The following CYP4B1 variants were observed in gnomAD, a reference collection of about 807,000 sequenced individuals.
CYP4B1 encodes the protein cytochrome P450 family 4 subfamily B member 1.
CYP4B1 carries 45 observed loss-of-function variants against 54.0 expected under a neutral mutation model. The observed-to-expected ratio is 0.83, with a 90% CI of 0.66 to 1.07. CYP4B1 has a LOEUF of 1.07. CYP4B1 is among the 50% of genes least tolerant of loss of function. CYP4B1 has a pLI of 0.00. For missense variants in CYP4B1, 656 were observed against 655.4 expected (o/e 1.00, Z -0.01); for synonymous variants, 248 against 247.5 (o/e 1.00, Z -0.02).
In CYP4B1 at chr1:46,813,963, G is replaced by T; in HGVS notation, c.675G>T (p.Gln225His). ...AVSDLTLLMQ[Q>H]RLVSFQYHND... is the part of the protein sequence containing the mutation. ...GCGATCTCACTCTGTTGATGCAGCA[G>T]CGCCTTGTGTCCTTCCAGTACCATA... is the stretch of plus-strand genomic sequence containing the variant. The change falls in exon 6 of 12, where the codon CAG (glutamine) becomes CAT (histidine). Residue 225 changes from glutamine to histidine, a missense_variant. Transcript: ENST00000371923. 1.2e-6 allele frequency: 2 copies of T among 1,614,184 alleles called. No homozygotes were observed. Among genetic ancestry groups the T allele is most frequent in the Non-Finnish European group, 1.7e-6 (2 of 1,180,024 alleles).
chr1:46,817,900 C>T (rs1161126390), intron 9 of CYP4B1, 65 bp from the exon 10 acceptor site: 1 of 1,453,532 alleles, frequency 6.9e-7, no homozygotes, highest in East Asian at 2.3e-5. Context: ...GGGACTCTGA[C>T]CTTATGTGGA....
chr1:46,814,967 C>A, intron 7 of CYP4B1, 107 bp from the exon 8 acceptor site: 1 of 969,954 alleles, frequency 1.0e-6, no homozygotes, highest in South Asian at 1.5e-5. Context: ...TGAAAAGGAG[C>A]TTTCACTCCC....
At position 46,817,979 on chromosome 1, in the gene CYP4B1, A is replaced by G. The variant is rs1193852319; in HGVS notation, c.1222A>G (p.Met408Val). Residue 408 changes from methionine (M) to valine (V), a missense_variant, in exon 10 of 12, where the codon ATG becomes GTG. Physicochemically the swap from Met to Val is conservative, Grantham distance 21. Transcript: ENST00000371923. The stretch of plus-strand genomic sequence containing the variant: ...TCTGCCCACAGGAAGCCTGATCTCT[A>G]TGCATATCTATGCCCTCCATAGGAA... The part of the protein sequence containing the change: ...RSLPAGSLIS[M>V]HIYALHRNSA... The G allele has an allele frequency of 1.9e-6, 3 of 1,614,104 alleles. No homozygotes were observed. The highest frequency in any genetic ancestry group is 2.5e-6 in the Non-Finnish European group (3 of 1,180,000).
In CYP4B1 at chr1:46,816,929, T is replaced by C. The variant is rs56294368; in HGVS notation, c.1074-119T>C. ...CTGGCCAGGGGCACTTGGAACTCTGTGCCTCTGACTCTTGAGTGTGTGGTG... is the reference window on the plus strand; with the variant it reads ...CTGGCCAGGGGCACTTGGAACTCTGCGCCTCTGACTCTTGAGTGTGTGGTG... On this transcript the variant is annotated intron_variant, in intron 8 of 11. Coordinates refer to ENST00000371923, the MANE Select transcript of CYP4B1 (RefSeq NM_001099772.2). The C allele has an allele frequency of 2.3e-5, 28 of 1,198,200 alleles. No homozygotes were observed. The East Asian group carries it at 6.6e-4, about 28-fold the overall frequency. The allele number at this position is 1,198,200 out of a possible 1,614,324, so 74.2% of individuals were successfully genotyped here. A position where few individuals can be genotyped will look rare whatever the true frequency, so the allele number is the denominator to read the frequency against.
chr1:46,812,612 C>T lies in CYP4B1; in HGVS notation c.484C>T (p.Arg162Cys), dbSNP rs765862813. The T allele has an allele frequency of 1.9e-5, 30 of 1,613,764 alleles. No individual in the cohort carries two copies. The highest frequency in any genetic ancestry group is 6.7e-5 in the African/African-American group (5 of 74,944). ...PYVAVFTEST[R>C]IMLDKWEEKA... is the part of the protein sequence containing the mutation. ...TGTGGCCGTGTTCACTGAGTCTACACGTATCATGCTGGTGAGCTCCCTGTG... is the reference window on the plus strand; with the variant it reads ...TGTGGCCGTGTTCACTGAGTCTACATGTATCATGCTGGTGAGCTCCCTGTG... Residue 162 changes from arginine (R) to cysteine (C), a missense_variant, in exon 4 of 12, where the codon CGT becomes TGT. Transcript: ENST00000371923.
At chr1:46,807,417 T>C (rs1326856226) in intron 1 of CYP4B1, among the ~76,000 whole-genome samples, 1 of 152,126 alleles carries the variant, frequency 6.6e-6, no homozygotes, top group East Asian at 1.9e-4. Context: ...ACCCATCCAA[T>C]TGGGCTTTCT....
In CYP4B1 at chr1:46,812,585, T is replaced by G. The variant is rs539678720; in HGVS notation, c.457T>G (p.Tyr153Asp). 3.7e-6 allele frequency: 6 copies of G among 1,613,962 alleles called. No individual in the cohort carries two copies. In the South Asian group the frequency reaches 6.6e-5, roughly 18 times the overall value. The change falls in exon 4 of 12, where the codon TAT becomes GAT. Residue 153 changes from tyrosine to aspartate, a missense_variant. Tyr to Asp is a radical substitution (Grantham distance 160, BLOSUM62 -3). Transcript: ENST00000371923. ...CTTTCATTATGATGTGCTGAAGCCC[T>G]ATGTGGCCGTGTTCACTGAGTCTAC... is the stretch of plus-strand genomic sequence containing the variant. ...PGFHYDVLKP[Y>D]VAVFTESTRI...
At chr1:46,812,809 A>G (rs1446060162) in intron 4 of CYP4B1, among the ~76,000 whole-genome samples, 186 bp downstream of exon 4, 1 of 152,146 alleles carries the variant, frequency 6.6e-6, no homozygotes, top group Non-Finnish European at 1.5e-5. Flanking sequence ...GCAGGCTGCC[A>G]CTGAGTCGGT....
chr1:46,814,041 C>T lies in CYP4B1; in HGVS notation c.753C>T (p.Cys251=). 6.2e-7 allele frequency: 1 copy of T among 1,614,080 alleles called. No individual in the cohort carries two copies. Among genetic ancestry groups the T allele is most frequent in the Non-Finnish European group, 8.5e-7 (1 of 1,179,986 alleles). ...TPHGRRFLRA[C]QVAHDHTDQV... Reference sequence around the variant, plus strand: ...ATGGCCGCCGCTTCCTGCGGGCCTGCCAGGTGGCCCATGACCATACAGGTG... The same window carrying T: ...ATGGCCGCCGCTTCCTGCGGGCCTGTCAGGTGGCCCATGACCATACAGGTG... Residue 251 remains cysteine, a synonymous_variant, in exon 6 of 12, where the codon TGC becomes TGT. Transcript: ENST00000371923.
rs1030907236 is a variant in CYP4B1 at position 46,818,818 on chromosome 1, T to C, written c.*4T>C. 6 of 1,613,848 alleles carry C rather than the reference T, an allele frequency of 3.7e-6. No individual in the cohort carries two copies. In the African/African-American group the frequency reaches 6.7e-5, roughly 18 times the overall value. On this transcript the variant is annotated 3_prime_UTR_variant, in exon 12 of 12. Coordinates refer to ENST00000371923, the MANE Select transcript of CYP4B1 (RefSeq NM_001099772.2). ...GGGCCCTGGGTCTGGGAAGTAGCTCTGATGAGAATGGGGTCCCAGATGGCT... is the reference window on the plus strand; with the variant it reads ...GGGCCCTGGGTCTGGGAAGTAGCTCCGATGAGAATGGGGTCCCAGATGGCT...
Position 46,810,946 on chromosome 1 carries a change from G to C in CYP4B1, c.319G>C (p.Gly107Arg), listed in dbSNP as rs780326518. 7.4e-6 allele frequency: 12 copies of C among 1,613,844 alleles called. No homozygotes were observed. The highest frequency in any genetic ancestry group is 1.7e-5 in the Admixed American group (1 of 59,990). Reference sequence around the variant, plus strand: ...CTATGCCAAAGCTGTGTACAGCCGTGGGGGTGAGGAGAGAGGATGGGGATC... The same window carrying C: ...CTATGCCAAAGCTGTGTACAGCCGTCGGGGTGAGGAGAGAGGATGGGGATC... The part of the protein sequence containing the change: ...PDYAKAVYSR[G>R]DPKAPDVYDF... Residue 107 changes from glycine (G) to arginine (R), a missense_variant, in exon 2 of 12, where the codon GGG becomes CGG. Physicochemically the swap from Gly to Arg is moderately radical, Grantham distance 125 (BLOSUM62 -2). Transcript: ENST00000371923.
chr1:46,800,195 T>TTCTTTCTCTTTC (rs1258570934), intron 1 of CYP4B1, among the ~76,000 whole-genome samples: 1 of 38,282 alleles, frequency 2.6e-5, no homozygotes, highest in African/African-American at 5.1e-5. Context: ...CTTTCTTTCT[T>TTCTTTCTCTTTC]TCTCTTTCTT....
rs572458012 is a variant in CYP4B1, at chr1:46,816,608, C to T, written c.1074-440C>T. On this transcript the variant is annotated intron_variant, in intron 8 of 11. Transcript: ENST00000371923. ...CACACACACACACACACACACACTTCACCTCATTAAATAATGCATCAACTT... is the reference window on the plus strand; with the variant it reads ...CACACACACACACACACACACACTTTACCTCATTAAATAATGCATCAACTT... 7.1e-5 allele frequency among the ~76,000 whole-genome samples: 8 copies of T among 112,850 alleles called. No individual in the cohort carries two copies. In the East Asian group the frequency reaches 2.3e-3, roughly 32 times the overall value. The allele number at this position is 112,850 out of a possible 152,430, so 74.0% of individuals were successfully genotyped here.
chr1:46,813,617 A>G lies in CYP4B1; in HGVS notation c.620+11A>G. The G allele has an allele frequency of 6.2e-7, 1 of 1,613,554 alleles. No homozygotes were observed. The highest frequency in any genetic ancestry group is 8.5e-7 in the Non-Finnish European group (1 of 1,179,988). ...CGGCCTGGGCCACAGGTCAGGAGCC[A>G]CCTCGGGGCTGACCGCACTGTCTCC... On this transcript the variant is annotated intron_variant, in intron 5 of 11. Coordinates refer to ENST00000371923, the MANE Select transcript of CYP4B1 (RefSeq NM_001099772.2).
chr1:46,817,167 G>A lies in CYP4B1; in HGVS notation c.1193G>A (p.Arg398Gln), dbSNP rs748528353. 6.8e-6 allele frequency: 11 copies of A among 1,614,118 alleles called. No individual in the cohort carries two copies. The highest frequency in any genetic ancestry group is 3.3e-5 in the South Asian group (3 of 91,076). Residue 398 changes from arginine (R) to glutamine (Q), a missense_variant, in exon 9 of 12, where the codon CGG (arginine) becomes CAG (glutamine). Physicochemically the swap from Arg to Gln is conservative, Grantham distance 43. Coordinates refer to ENST00000371923, the MANE Select transcript of CYP4B1 (RefSeq NM_001099772.2). ...LSKPVTFVDG[R>Q]SLPAGSLISM... ...AAGCCTGTCACCTTTGTGGATGGCC[G>A]GTCTCTACCTGCAGGTGGGATGGGT...
chr1:46,800,236 TCTTTCCTTCC>T (rs1678580350), intron 1 of CYP4B1, among the ~76,000 whole-genome samples: 1 of 55,534 alleles, frequency 1.8e-5, no homozygotes, highest in Non-Finnish European at 4.1e-5. Flanking sequence ...TTTCTTTCTT[TCTTTCCTTCC>T]TTCCTTCCTT....
rs1569899070 is a variant in CYP4B1, at chr1:46,813,484, C to T, written c.498C>T (p.Asp166=). 1 of 1,614,138 alleles carries T rather than the reference C, an allele frequency of 6.2e-7. No individual in the cohort carries two copies. Among genetic ancestry groups the T allele is most frequent in the South Asian group, 1.1e-5 (1 of 91,084 alleles). The stretch of plus-strand genomic sequence containing the variant: ...TGCCTCCTATCCCTGGACTCCAGGA[C>T]AAGTGGGAAGAGAAAGCTCGGGAGG... ...VFTESTRIML[D]KWEEKAREGK... The change falls in exon 5 of 12, where the codon GAC becomes GAT. Residue 166 remains aspartate (D), a splice_region_variant and synonymous_variant. Transcript: ENST00000371923.
chr1:46,810,806 A>C lies in CYP4B1; in HGVS notation c.181-2A>C. ...GACCTTGGCCTTCTGTCATCATTTC[A>C]GATCCAGGAGACGGGGAGCCTGGAC... On this transcript the variant is annotated splice_acceptor_variant, in intron 1 of 11. Coordinates refer to ENST00000371923, the MANE Select transcript of CYP4B1 (RefSeq NM_001099772.2). LOFTEE classifies it high-confidence loss of function. 2 of 1,614,146 alleles carry C rather than the reference A, an allele frequency of 1.2e-6. No individual in the cohort carries two copies. Among genetic ancestry groups the C allele is most frequent in the Non-Finnish European group, 1.7e-6 (2 of 1,179,996 alleles).
rs375759162 is a variant in CYP4B1 at position 46,818,717 on chromosome 1, C to T, written c.1442C>T (p.Pro481Leu). ...CTCCGCTTTGAGTTCTCTCTGGACC[C>T]CTCACGGCTGCCCATCAAGATGCCC... ...CLLRFEFSLD[P>L]SRLPIKMPQL... is the part of the protein sequence containing the mutation. Residue 481 changes from proline to leucine, a missense_variant, in exon 12 of 12, where the codon CCC becomes CTC. Transcript: ENST00000371923. 2.5e-6 allele frequency: 4 copies of T among 1,614,080 alleles called. No individual in the cohort carries two copies. The highest frequency in any genetic ancestry group is 2.7e-5 in the African/African-American group (2 of 74,932).
Sources: gnomAD v4.1 joint callset for allele counts (sites outside exome capture counted in the v4.1 genomes callset) on GRCh38, gnomAD v4.1.1 for gene constraint, MANE v1.5 for transcripts, NCBI Gene and HGNC (gene_info 2026-07-23, HGNC 2026-07-21) for gene names.